VPS36: variants seen among roughly 807,000 people sequenced by gnomAD.
VPS36 encodes vacuolar protein sorting 36 homolog.
Under a neutral mutation model 63.5 loss-of-function variants are expected in VPS36, and 31 were observed. That is an observed-to-expected ratio of 0.49 (90% CI 0.37 to 0.66). The LOEUF (loss-of-function observed/expected upper bound fraction) is 0.66. Among genes scored for constraint, VPS36 ranks in the 30% least tolerant of loss-of-function variants. VPS36 has a pLI of 0.00. For synonymous variants in VPS36, 138 were observed against 157.2 expected (o/e 0.88, Z 0.91); for missense variants, 338 against 463.7 (o/e 0.73, Z 2.49).
chr13:52,442,052 G>C (rs561847696), intron 2 of VPS36, among the ~76,000 whole-genome samples: 6 of 152,306 alleles, frequency 3.9e-5, no homozygotes, highest in African/African-American at 1.4e-4. Context: ...CTGAATAAGG[G>C]ACGACACGCT....
At chr13:52,417,904 AG>A in intron 11 of VPS36, 87 bp downstream of exon 11, 1 of 1,076,222 alleles carries the variant, frequency 9.3e-7, no homozygotes, top group Non-Finnish European at 1.4e-6. Flanking sequence ...GCTTGACACT[AG>A]GGATGGCAAA....
chr13:52,416,387 C>A (rs1957992706), intron 12 of VPS36: 1 of 283,060 alleles, frequency 3.5e-6, no homozygotes, highest in East Asian at 7.2e-5. Flanking sequence ...ATTTGATATT[C>A]TGAAAAGGAA....
At chr13:52,423,738 A>C in intron 9 of VPS36, 99 bp from the exon 10 acceptor site, 1 of 1,124,282 alleles carries the variant, frequency 8.9e-7, no homozygotes, top group Non-Finnish European at 1.3e-6. Context: ...CAGAAATCAG[A>C]AAAATTTTTA....
intron 2 of VPS36, among the ~76,000 whole-genome samples, chr13:52,441,413 A>G (rs1958275140): frequency 6.6e-6 from 1 of 152,136 alleles, no homozygotes; most frequent in African/African-American, 2.4e-5. Context: ...GGGAATAAAG[A>G]TATCAGCTCT....
intron 1 of VPS36, among the ~76,000 whole-genome samples, chr13:52,446,118 T>C (rs1188858085): frequency 6.7e-6 from 1 of 148,432 alleles, no homozygotes; most frequent in African/African-American, 2.5e-5. Flanking sequence ...AAAAAAAAAA[T>C]TGCCGGGCGT....
chr13:52,440,809 T>G (rs567964485), intron 2 of VPS36, among the ~76,000 whole-genome samples: 6 of 152,258 alleles, frequency 3.9e-5, no homozygotes, highest in African/African-American at 1.4e-4. Context: ...TAGACAATAT[T>G]AACAGTCTAA....
At chr13:52,449,944 C>A (rs1958384051) in intron 1 of VPS36, 1 of 985,454 alleles carries the variant, frequency 1.0e-6, no homozygotes, top group Non-Finnish European at 1.2e-6. Flanking sequence ...TTTAGGAAAT[C>A]CTTTCGAAGC....
At chr13:52,445,650 A>C (rs1197010946) in intron 1 of VPS36, among the ~76,000 whole-genome samples, 1 of 130,680 alleles carries the variant, frequency 7.7e-6, no homozygotes, top group Non-Finnish European at 1.6e-5. Flanking sequence ...AAAAAAAAAA[A>C]AAAAAGGCCG....
At position 52,412,937 on chromosome 13, in the gene VPS36, T is replaced by C. The variant is rs1366348121; in HGVS notation, c.*2893A>G. 1 of 152,650 alleles carries C rather than the reference T, an allele frequency of 6.6e-6. No individual in the cohort carries two copies. The highest frequency in any genetic ancestry group is 1.9e-4 in the East Asian group (1 of 5,200). The allele number at this position is 152,650 out of a possible 1,614,324, so 9.5% of individuals were successfully genotyped here. On this transcript the variant is annotated 3_prime_UTR_variant, in exon 14 of 14. Transcript: ENST00000378060. Reference sequence around the variant, plus strand: ...AGAATCTCTTGATATGCAGTTTGTATTTTTGTACTTAATATAAGCATAATA... The same window carrying C: ...AGAATCTCTTGATATGCAGTTTGTACTTTTGTACTTAATATAAGCATAATA...
Position 52,425,920 on chromosome 13 carries a change from T to C in VPS36, c.774+12A>G. ...CACAGTTTAAAAAAAAACACATAGG[T>C]TTAGTTTTTACCTCTAAAGGCACCT... On this transcript the variant is annotated intron_variant, in intron 9 of 13. Coordinates refer to ENST00000378060, the MANE Select transcript of VPS36 (RefSeq NM_016075.4). 1 of 1,603,360 alleles carries C rather than the reference T, an allele frequency of 6.2e-7. No individual in the cohort carries two copies. The highest frequency in any genetic ancestry group is 8.5e-7 in the Non-Finnish European group (1 of 1,176,750).
Position 52,415,766 on chromosome 13 carries a change from C to T in VPS36, c.*64G>A. The T allele has an allele frequency of 6.9e-7, 1 of 1,449,016 alleles. No homozygotes were observed. Among genetic ancestry groups the T allele is most frequent in the Non-Finnish European group, 9.6e-7 (1 of 1,040,518 alleles). The allele number at this position is 1,449,016 out of a possible 1,614,324, so 89.8% of individuals were successfully genotyped here. A position where few individuals can be genotyped will look rare whatever the true frequency, so the allele number is the denominator to read the frequency against. ...ATTGATCGGGGTTTATCTCTTAGCTCAATGTCATACAACCTCTACATGACG... is the reference window on the plus strand; with the variant it reads ...ATTGATCGGGGTTTATCTCTTAGCTTAATGTCATACAACCTCTACATGACG... On this transcript the variant is annotated 3_prime_UTR_variant, in exon 14 of 14. Coordinates refer to ENST00000378060, the MANE Select transcript of VPS36 (RefSeq NM_016075.4).
intron 6 of VPS36, among the ~76,000 whole-genome samples, chr13:52,432,131 C>T (rs114484648): frequency 1.5e-3 from 221 of 152,264 alleles, no homozygotes; most frequent in African/African-American, 5.1e-3. Flanking sequence ...GGCGGCGGAT[C>T]ACGAGGTCAG....
Position 52,436,278 on chromosome 13 carries a change from G to A in VPS36, c.351+12C>T. ...ACCTTTCTAGTACGATTTTATTCAT[G>A]TAGAAACTTACCTCAATCTGGCCAT... On this transcript the variant is annotated intron_variant, in intron 4 of 13. Coordinates refer to ENST00000378060, the MANE Select transcript of VPS36 (RefSeq NM_016075.4). 2 of 1,507,102 alleles carry A rather than the reference G, an allele frequency of 1.3e-6. No individual in the cohort carries two copies. The highest frequency in any genetic ancestry group is 2.3e-5 in the South Asian group (2 of 86,826). 93.4% of individuals were successfully genotyped at this position (1,507,102 alleles called of 1,614,324 possible).
At position 52,419,185 on chromosome 13, in the gene VPS36, GGA is replaced by G. The variant is rs1443352556; in HGVS notation, c.841-1131_841-1130del. ...ATGGGACTGGGTGAGCCATTTGCAT[GGA>G]GGTGACTGCTGGGGCACAAAGAATA... On this transcript the variant is annotated intron_variant, in intron 10 of 13. Transcript: ENST00000378060. 2.0e-5 allele frequency among the ~76,000 whole-genome samples: 3 copies of G among 152,304 alleles called. No individual in the cohort carries two copies. The East Asian group carries it at 5.8e-4, about 29-fold the overall frequency.
intron 2 of VPS36, 133 bp downstream of exon 2, chr13:52,442,244 G>T (rs776125788): frequency 1.6e-6 from 1 of 627,308 alleles, no homozygotes; most frequent in African/African-American, 1.9e-5. Context: ...CCGGCTACTC[G>T]GGAGGTTGAG....
chr13:52,440,954 G>T (rs1958270152), intron 2 of VPS36, among the ~76,000 whole-genome samples: 1 of 151,960 alleles, frequency 6.6e-6, no homozygotes, highest in African/African-American at 2.4e-5. Context: ...TCAAAGGGAG[G>T]GCATGACCTA....
chr13:52,434,102 C>T (rs189477919), intron 5 of VPS36, among the ~76,000 whole-genome samples: 8 of 152,228 alleles, frequency 5.3e-5, no homozygotes, highest in Non-Finnish European at 1.0e-4. Flanking sequence ...AATTTTGGTT[C>T]TTAATTAAGT....
At chr13:52,417,958 G>T in intron 11 of VPS36, 34 bp downstream of exon 11, 1 of 1,598,286 alleles carries the variant, frequency 6.3e-7, no homozygotes, top group South Asian at 1.1e-5. Flanking sequence ...AATCATGGTT[G>T]CAGGTGGCAA....
chr13:52,416,902 G>A (rs1957998862), intron 12 of VPS36, among the ~76,000 whole-genome samples, 155 bp downstream of exon 12: 1 of 152,210 alleles, frequency 6.6e-6, no homozygotes, highest in African/African-American at 2.4e-5. Flanking sequence ...GGTTAATATT[G>A]ATTCATTGTT....
Sources: allele counts gnomAD v4.1 joint callset (sites outside exome capture counted in the v4.1 genomes callset), GRCh38; gene constraint gnomAD v4.1.1; transcripts MANE v1.5; gene names NCBI Gene and HGNC (gene_info 2026-07-23, HGNC 2026-07-21).